MED28: variants seen among roughly 807,000 people sequenced by gnomAD.
The protein encoded by MED28 is mediator of RNA polymerase II transcription subunit 28.
A neutral mutation model predicts 21.3 loss-of-function variants in MED28; 26 were observed. The ratio of observed to expected loss-of-function variants is 1.22; its 90% CI spans 0.89 to 1.69. MED28 has a LOEUF of 1.69. Among genes scored for constraint, MED28 ranks in the 40% most tolerant of loss-of-function variants. MED28 has a pLI of 0.00. For synonymous variants in MED28, 110 were observed against 87.6 expected, an observed-to-expected ratio of 1.26 and a Z score of -1.43; for missense variants, 257 against 215.4, an observed-to-expected ratio of 1.19 and a Z score of -1.21.
intron 3 of MED28, among the ~76,000 whole-genome samples, chr4:17,622,203 TA>T (rs1714656154): frequency 6.6e-6 from 1 of 152,174 alleles, no homozygotes; most frequent in African/African-American, 2.4e-5. Context: ...TGGGAAGCTT[TA>T]ATGGCATTGA....
In MED28 at chr4:17,623,624, A is replaced by G. The variant is rs1216721560; in HGVS notation, c.363A>G (p.Glu121=). Residue 121 remains glutamate, a synonymous_variant, in exon 4 of 4, where the codon GAA becomes GAG. Transcript: ENST00000237380. ...IKEDVSELRN[E]LQRKDALVQK... ...AGGATGTGTCAGAACTAAGGAATGA[A>G]TTACAGCGGAAAGATGCACTAGTCC... 5 of 1,614,144 alleles carry G rather than the reference A, an allele frequency of 3.1e-6. No homozygotes were observed. Among genetic ancestry groups the G allele is most frequent in the Admixed American group, 3.3e-5 (2 of 60,016 alleles).
chr4:17,623,398 C>CAAAAAAAAAAAAAAAAAAAAAAAAAAA (rs397880373), intron 3 of MED28, among the ~76,000 whole-genome samples: 1 of 113,282 alleles, frequency 8.8e-6, no homozygotes, highest in Non-Finnish European at 1.8e-5. Context: ...GACTTCGTCT[C>CAAAAAAAAAAAAAAAAAAAAAAAAAAA]AAAAAAAAAA....
intron 1 of MED28, among the ~76,000 whole-genome samples, chr4:17,618,547 C>T (rs761532775): frequency 1.3e-5 from 2 of 152,096 alleles, no homozygotes; most frequent in African/African-American, 2.4e-5. Context: ...GACAGATTCT[C>T]GCCCTGTCAC....
Position 17,629,638 on chromosome 4 carries a change from GT to G in MED28, c.*5847del, listed in dbSNP as rs902949202. 6.6e-6 allele frequency: 1 copy of G among 152,074 alleles called. No homozygotes were observed. The highest frequency in any genetic ancestry group is 2.4e-5 in the African/African-American group (1 of 41,404). The allele number at this position is 152,074 out of a possible 1,614,324, so 9.4% of individuals were successfully genotyped here. A position where few individuals can be genotyped will look rare whatever the true frequency, so the allele number is the denominator to read the frequency against. ...CTGAAGAGATTTACCATTAAATACT[GT>G]TTTTTTCTCTCTCTTAACTTAATCC... On this transcript the variant is annotated 3_prime_UTR_variant, in exon 4 of 4. Coordinates refer to ENST00000237380, the MANE Select transcript of MED28 (RefSeq NM_025205.5).
intron 1 of MED28, among the ~76,000 whole-genome samples, chr4:17,616,947 A>C (rs556171451): frequency 6.6e-6 from 1 of 152,322 alleles, no homozygotes; most frequent in East Asian, 1.9e-4. Flanking sequence ...GATTATCCAT[A>C]CAGAGAATAC....
chr4:17,619,768 C>G, intron 1 of MED28, 133 bp from the exon 2 acceptor site: 1 of 719,932 alleles, frequency 1.4e-6, no homozygotes, highest in South Asian at 1.7e-5. Flanking sequence ...GGCATGGTGT[C>G]TTGCCATCTC....
At chr4:17,614,934 C>A in intron 1 of MED28, 121 bp downstream of exon 1, 1 of 1,245,752 alleles carries the variant, frequency 8.0e-7, no homozygotes, top group Non-Finnish European at 1.1e-6. Flanking sequence ...GAAACTGAGG[C>A]TTAAAGTAAG....
At position 17,629,044 on chromosome 4, in the gene MED28, C is replaced by G. The variant is rs996912032; in HGVS notation, c.*5246C>G. The G allele has an allele frequency of 6.6e-6, 1 of 152,312 alleles. No individual in the cohort carries two copies. The highest frequency in any genetic ancestry group is 2.4e-5 in the African/African-American group (1 of 41,440). 9.4% of individuals were successfully genotyped at this position (152,312 alleles called of 1,614,324 possible). ...TTTGAGGTCAGGAGTTCATGACCAG[C>G]CTGGCCAACATGGTGAAACCCTGTC... On this transcript the variant is annotated 3_prime_UTR_variant, in exon 4 of 4. Transcript: ENST00000237380.
intron 3 of MED28, among the ~76,000 whole-genome samples, chr4:17,622,805 G>C (rs1487987842): frequency 6.6e-6 from 1 of 152,196 alleles, no homozygotes; most frequent in East Asian, 1.9e-4. Context: ...CACAATCATG[G>C]CAGAAGGTGA....
chr4:17,622,755 G>A (rs1714670953), intron 3 of MED28, among the ~76,000 whole-genome samples: 1 of 152,174 alleles, frequency 6.6e-6, no homozygotes, highest in Admixed American at 6.6e-5. Context: ...AAAAGAAAAA[G>A]GTTTGATGGA....
chr4:17,615,603 A>T (rs1353597106), intron 1 of MED28, among the ~76,000 whole-genome samples: 4 of 152,052 alleles, frequency 2.6e-5, no homozygotes, highest in Non-Finnish European at 5.9e-5. Context: ...TGAGGTCAGG[A>T]GTTCGAGACC....
rs529952912 is a variant in MED28 at position 17,618,218 on chromosome 4, A to G, written c.160-1683A>G. Among the ~76,000 whole-genome samples, 4 of 152,094 alleles carry G rather than the reference A, an allele frequency of 2.6e-5. No individual in the cohort carries two copies. In the East Asian group the frequency reaches 7.8e-4, roughly 30 times the overall value. Reference sequence around the variant, plus strand: ...GAGACAGGGTTTCACCACGTTGCCCATGCTGGTCTTGAACTCCTGGACTGA... The same window carrying G: ...GAGACAGGGTTTCACCACGTTGCCCGTGCTGGTCTTGAACTCCTGGACTGA... On this transcript the variant is annotated intron_variant, in intron 1 of 3. Transcript: ENST00000237380.
rs1447560739 is a variant in MED28, at chr4:17,631,983, A to G, written c.*8185A>G. On this transcript the variant is annotated 3_prime_UTR_variant, in exon 4 of 4. Transcript: ENST00000237380. ...ACACTAGAAATACAAGGTATGGGTC[A>G]TTAGTAACGCTAATAACATTTTCCT... 2.6e-5 allele frequency: 4 copies of G among 151,214 alleles called. No homozygotes were observed. The highest frequency in any genetic ancestry group is 9.7e-5 in the African/African-American group (4 of 41,152). The allele number at this position is 151,214 out of a possible 1,614,324, so 9.4% of individuals were successfully genotyped here.
rs971529342 is a variant in MED28, at chr4:17,628,817, T to G, written c.*5019T>G. 2.0e-5 allele frequency: 3 copies of G among 151,764 alleles called. No homozygotes were observed. The highest frequency in any genetic ancestry group is 4.4e-5 in the Non-Finnish European group (3 of 68,006). 9.4% of individuals were successfully genotyped at this position (151,764 alleles called of 1,614,324 possible). ...ATGGACACTCACTCACACGAGGGGG[T>G]GGCCCAGTTGCTGAGGATTCCACCA... On this transcript the variant is annotated 3_prime_UTR_variant, in exon 4 of 4. Coordinates refer to ENST00000237380, the MANE Select transcript of MED28 (RefSeq NM_025205.5).
rs1714720325 is a variant in MED28 at position 17,624,389 on chromosome 4, TC to T, written c.*592del. 6.5e-6 allele frequency: 1 copy of T among 152,998 alleles called. No individual in the cohort carries two copies. The highest frequency in any genetic ancestry group is 1.5e-5 in the Non-Finnish European group (1 of 68,616). The allele number at this position is 152,998 out of a possible 1,614,324, so 9.5% of individuals were successfully genotyped here. ...GAACTGTCCTGGGTTAGTATAGTAA[TC>T]TTACAGTAGGATCCTTAGGTTGATG... On this transcript the variant is annotated 3_prime_UTR_variant, in exon 4 of 4. Coordinates refer to ENST00000237380, the MANE Select transcript of MED28 (RefSeq NM_025205.5).
In MED28 at chr4:17,621,745, GT is replaced by G. The variant is rs757102666; in HGVS notation, c.339+47del. 1.7e-4 allele frequency: 206 copies of G among 1,248,426 alleles called. 1 individual carries two copies. The highest frequency in any genetic ancestry group is 2.2e-4 in the Non-Finnish European group (189 of 869,326). The allele number at this position is 1,248,426 out of a possible 1,614,324, so 77.3% of individuals were successfully genotyped here. On this transcript the variant is annotated intron_variant, in intron 3 of 3. Coordinates refer to ENST00000237380, the MANE Select transcript of MED28 (RefSeq NM_025205.5). ...TCAGCTCTATAGGAAGAACTAAGTGGTGCCAGGATTCCTTTTATGCTTTAAA... is the reference window on the plus strand; with the variant it reads ...TCAGCTCTATAGGAAGAACTAAGTGGGCCAGGATTCCTTTTATGCTTTAAA...
chr4:17,632,488 A>C lies in MED28; in HGVS notation c.*8690A>C. The C allele has an allele frequency of 7.1e-7, 1 of 1,411,536 alleles. No individual in the cohort carries two copies. Among genetic ancestry groups the C allele is most frequent in the Non-Finnish European group, 9.7e-7 (1 of 1,028,890 alleles). The allele number at this position is 1,411,536 out of a possible 1,614,324, so 87.4% of individuals were successfully genotyped here. ...TTCCTTCAATCGGATGATTTAAAAT[A>C]AATGTTTTTCAAGTATCCTCTGTGA... On this transcript the variant is annotated 3_prime_UTR_variant, in exon 4 of 4. Transcript: ENST00000237380.
chr4:17,619,540 G>T (rs904382991), intron 1 of MED28, among the ~76,000 whole-genome samples: 22 of 152,184 alleles, frequency 1.4e-4, no homozygotes, highest in African/African-American at 5.1e-4. Flanking sequence ...AGGGGGAGAA[G>T]ATTGTCCTGA....
rs761757704 is a variant in MED28, at chr4:17,632,621, G to A, written c.*8823G>A. The A allele has an allele frequency of 3.9e-6, 6 of 1,538,732 alleles. No individual in the cohort carries two copies. The highest frequency in any genetic ancestry group is 1.2e-5 in the South Asian group (1 of 83,278). On this transcript the variant is annotated 3_prime_UTR_variant, in exon 4 of 4. Coordinates refer to ENST00000237380, the MANE Select transcript of MED28 (RefSeq NM_025205.5). Reference sequence around the variant, plus strand: ...TTGGCTTGGGCCGTTTCACCATCTGGGGTCCTAAAAGCAAAAAAAGGTTTT... The same window carrying A: ...TTGGCTTGGGCCGTTTCACCATCTGAGGTCCTAAAAGCAAAAAAAGGTTTT...
Sources: gnomAD v4.1 joint callset for allele counts (sites outside exome capture counted in the v4.1 genomes callset) on GRCh38, gnomAD v4.1.1 for gene constraint, MANE v1.5 for transcripts, NCBI Gene and HGNC (gene_info 2026-07-23, HGNC 2026-07-21) for gene names.